The following HS3ST3B1 variants were observed in gnomAD, a reference collection of about 807,000 sequenced individuals.
HS3ST3B1 encodes the protein heparan sulfate-glucosamine 3-sulfotransferase 3B1.
HS3ST3B1 carries 13 observed loss-of-function variants against 21.3 expected under a neutral mutation model. The ratio of observed to expected loss-of-function variants is 0.61; its 90% CI spans 0.40 to 0.97. The LOEUF (loss-of-function observed/expected upper bound fraction) is 0.97. Among genes scored for constraint, HS3ST3B1 ranks in the 50% least tolerant of loss-of-function variants. The pLI is 0.00. For synonymous variants in HS3ST3B1, 234 were observed against 254.8 expected (o/e 0.92, Z 0.78); for missense variants, 459 against 554.8 (o/e 0.83, Z 1.73).
chr17:14,332,546 T>G (rs999030727), intron 1 of HS3ST3B1, among the ~76,000 whole-genome samples: 2 of 151,876 alleles, frequency 1.3e-5, no homozygotes, highest in African/African-American at 2.4e-5. Context: ...GTCACCTGAG[T>G]AGGTGGAATG....
intron 1 of HS3ST3B1, among the ~76,000 whole-genome samples, chr17:14,317,013 C>T (rs1909521874): frequency 2.0e-5 from 3 of 152,254 alleles, no homozygotes; most frequent in Admixed American, 6.5e-5. Flanking sequence ...GGATCGCCTG[C>T]TCACCTCTAC....
chr17:14,343,897 CTT>C (rs55786183), intron 1 of HS3ST3B1, among the ~76,000 whole-genome samples: 1 of 144,464 alleles, frequency 6.9e-6, no homozygotes, highest in Non-Finnish European at 1.5e-5. Flanking sequence ...TAATTTCTTT[CTT>C]TTTTTTTTTT....
chr17:14,338,698 C>T (rs1910275085), intron 1 of HS3ST3B1, among the ~76,000 whole-genome samples: 1 of 152,072 alleles, frequency 6.6e-6, no homozygotes, highest in African/African-American at 2.4e-5. Flanking sequence ...CTGCCTTAGC[C>T]TCCCATAATG....
rs1306292533 is a variant in HS3ST3B1 at position 14,301,696 on chromosome 17, G to A, written c.178G>A (p.Gly60Arg). The change falls in exon 1 of 2, where the codon GGG becomes AGG. Residue 60 changes from glycine (G) to arginine (R), a missense_variant. Coordinates refer to ENST00000360954, the MANE Select transcript of HS3ST3B1 (RefSeq NM_006041.3). The part of the protein sequence containing the change: ...SCAGSCAAAP[G>R]LLLLGSGSRA... ...CGCCGGCTCCTGCGCCGCCGCGCCGGGGCTGCTGCTCCTGGGCTCTGGGTC... is the reference window on the plus strand; with the variant it reads ...CGCCGGCTCCTGCGCCGCCGCGCCGAGGCTGCTGCTCCTGGGCTCTGGGTC... The A allele has an allele frequency of 7.5e-6, 12 of 1,601,212 alleles. No homozygotes were observed. Among genetic ancestry groups the A allele is most frequent in the African/African-American group, 1.4e-5 (1 of 73,076 alleles).
At chr17:14,329,377 A>G (rs957168777) in intron 1 of HS3ST3B1, 10 of 132,710 alleles carry the variant, frequency 7.5e-5, no homozygotes, top group Admixed American at 2.2e-4. Flanking sequence ...AAAGGAAGGA[A>G]GGAAGGAAGG....
chr17:14,311,149 A>G (rs1876387256), intron 1 of HS3ST3B1, among the ~76,000 whole-genome samples: 1 of 150,812 alleles, frequency 6.6e-6, no homozygotes, highest in Non-Finnish European at 1.5e-5. Flanking sequence ...CAGTGGCACA[A>G]CCTCTACCTC....
chr17:14,333,499 G>A (rs1463493786), intron 1 of HS3ST3B1, among the ~76,000 whole-genome samples: 1 of 151,530 alleles, frequency 6.6e-6, no homozygotes, highest in Non-Finnish European at 1.5e-5. Flanking sequence ...AACAGATTTT[G>A]TTCAACAACT....
chr17:14,339,034 C>T (rs1844028646), intron 1 of HS3ST3B1, among the ~76,000 whole-genome samples: 1 of 152,188 alleles, frequency 6.6e-6, no homozygotes, highest in South Asian at 2.1e-4. Context: ...CTCTTGTGGG[C>T]TGTGAGCATT....
intron 1 of HS3ST3B1, among the ~76,000 whole-genome samples, chr17:14,312,744 C>T (rs1191193782): frequency 6.6e-6 from 1 of 151,954 alleles, no homozygotes; most frequent in Non-Finnish European, 1.5e-5. Context: ...ACAACTACAC[C>T]ACTCAGGGTC....
At chr17:14,313,134 G>GTGTA (rs1567637253) in intron 1 of HS3ST3B1, among the ~76,000 whole-genome samples, 2 of 108,900 alleles carry the variant, frequency 1.8e-5, no homozygotes, top group Non-Finnish European at 1.9e-5. Context: ...GTGTGTGTGT[G>GTGTA]TATATATATA....
At chr17:14,302,371 C>T (rs969761157) in intron 1 of HS3ST3B1, among the ~76,000 whole-genome samples, 11 of 152,186 alleles carry the variant, frequency 7.2e-5, no homozygotes, top group African/African-American at 2.4e-4. Context: ...GCAAAGCGAG[C>T]CACCCTCTAA....
chr17:14,344,650 C>A (rs913397050), intron 1 of HS3ST3B1, among the ~76,000 whole-genome samples: 1 of 152,112 alleles, frequency 6.6e-6, no homozygotes, highest in Non-Finnish European at 1.5e-5. Flanking sequence ...CTGGGAGTCC[C>A]GGGTGCTATA....
At chr17:14,330,176 G>C (rs1225425817) in intron 1 of HS3ST3B1, among the ~76,000 whole-genome samples, 1 of 152,114 alleles carries the variant, frequency 6.6e-6, no homozygotes, top group Non-Finnish European at 1.5e-5. Flanking sequence ...CACCTCCTGG[G>C]GGTGGTCTGT....
In HS3ST3B1 at chr17:14,313,850, G is replaced by A. The variant is rs138716829; in HGVS notation, c.554+11778G>A. On this transcript the variant is annotated intron_variant, in intron 1 of 1. Coordinates refer to ENST00000360954, the MANE Select transcript of HS3ST3B1 (RefSeq NM_006041.3). ...CTCACAAAGTGCTGGGATTACAGGCGTGAGCCACCGCACCTGGCCCCCTCC... is the reference window on the plus strand; with the variant it reads ...CTCACAAAGTGCTGGGATTACAGGCATGAGCCACCGCACCTGGCCCCCTCC... Among the ~76,000 whole-genome samples the A allele has an allele frequency of 9.7e-3, 1,471 of 151,574 alleles. 29 individuals carry two copies. The highest frequency in any genetic ancestry group is 0.033 in the African/African-American group (1,357 of 41,280).
intron 1 of HS3ST3B1, among the ~76,000 whole-genome samples, chr17:14,342,784 AGATCCCAAATTCCTTAACTAATTT>A (rs1207173772): frequency 1.3e-5 from 2 of 152,252 alleles, no homozygotes; most frequent in African/African-American, 4.8e-5. Flanking sequence ...GTCTGACTTT[AGATCCCAAATTCCTTAACTAATTT>A]AAGAAGCTAA....
chr17:14,340,460 G>A (rs368994582), intron 1 of HS3ST3B1, among the ~76,000 whole-genome samples: 4 of 152,058 alleles, frequency 2.6e-5, no homozygotes, highest in East Asian at 3.9e-4. Flanking sequence ...GCTGTATTCC[G>A]AGTTGAGGCC....
At chr17:14,310,166 G>A (rs1345550956) in intron 1 of HS3ST3B1, among the ~76,000 whole-genome samples, 2 of 152,186 alleles carry the variant, frequency 1.3e-5, no homozygotes, top group Non-Finnish European at 2.9e-5. Context: ...TGGAGAGGAG[G>A]AAGAGGAAAA....
At position 14,347,116 on chromosome 17, in the gene HS3ST3B1, C is replaced by T. The variant is rs541330456; in HGVS notation, c.*1470C>T. ...TGGGTGGTAGCCAGTGGCCAAACAG[C>T]AAGAACTAAGAGTGGCCCTTGCAAA... On this transcript the variant is annotated 3_prime_UTR_variant, in exon 2 of 2. Transcript: ENST00000360954. The T allele has an allele frequency of 3.3e-5, 5 of 152,312 alleles. No homozygotes were observed. Among genetic ancestry groups the T allele is most frequent in the African/African-American group, 1.2e-4 (5 of 41,576 alleles). The allele number at this position is 152,312 out of a possible 1,614,324, so 9.4% of individuals were successfully genotyped here.
intron 1 of HS3ST3B1, among the ~76,000 whole-genome samples, chr17:14,319,787 T>C (rs1909601269): frequency 6.6e-6 from 1 of 152,080 alleles, no homozygotes; most frequent in Non-Finnish European, 1.5e-5. Flanking sequence ...AGGGCCTTTT[T>C]TTATTTCAAT....
Sources: allele counts gnomAD v4.1 joint callset (sites outside exome capture counted in the v4.1 genomes callset), GRCh38; gene constraint gnomAD v4.1.1; transcripts MANE v1.5; gene names NCBI Gene and HGNC (gene_info 2026-07-23, HGNC 2026-07-21).